EPB41: variants seen among roughly 807,000 people sequenced by gnomAD.
EPB41 encodes protein 4.1.
In EPB41, 65 loss-of-function variants were observed where a neutral mutation model predicts 108.0. The observed-to-expected ratio is 0.60, with a 90% CI of 0.49 to 0.74. The LOEUF (loss-of-function observed/expected upper bound fraction) is 0.74. Ranked by LOEUF, EPB41 falls within the 30% of genes least tolerant of loss-of-function variation. The pLI, the probability that EPB41 is intolerant of heterozygous loss-of-function variation, is 0.00. For synonymous variants in EPB41, 336 were observed against 358.9 expected (o/e 0.94, Z 0.72); for missense variants, 875 against 1,037.0 (o/e 0.84, Z 2.15).
At chr1:29,101,906 A>C (rs1665544897) in intron 17 of EPB41, among the ~76,000 whole-genome samples, 2 of 152,152 alleles carry the variant, frequency 1.3e-5, no homozygotes, top group Admixed American at 1.3e-4. Flanking sequence ...TATCAAAAAA[A>C]CAAAATAAAG....
Position 29,115,812 on chromosome 1 carries a change from C to T in EPB41, c.*6+9C>T, listed in dbSNP as rs1030787594. Reference sequence around the variant, plus strand: ...CTGATGAGTGAGCTCAGGTACTGGGCGTTCCTGCTGGGGCTGAGGGTGCCC... The same window carrying T: ...CTGATGAGTGAGCTCAGGTACTGGGTGTTCCTGCTGGGGCTGAGGGTGCCC... On this transcript the variant is annotated intron_variant, in intron 20 of 20. Coordinates refer to ENST00000343067, the MANE Select transcript of EPB41 (RefSeq NM_001376013.1). This position sits in a 1 kb window ranked among gnomAD's most constrained non-coding sequence, Gnocchi z 4.4. The T allele has an allele frequency of 5.6e-6, 9 of 1,607,388 alleles. No individual in the cohort carries two copies. The highest frequency in any genetic ancestry group is 1.1e-5 in the South Asian group (1 of 90,964).
At chr1:28,975,940 C>CAAAAAA (rs775554564) in intron 1 of EPB41, among the ~76,000 whole-genome samples, 61 of 67,506 alleles carry the variant, frequency 9.0e-4, no homozygotes, top group Middle Eastern at 8.1e-3. Context: ...GACTCCATCT[C>CAAAAAA]AAAAAAAAAA....
chr1:28,970,178 CAT>C (rs71586877), intron 1 of EPB41, among the ~76,000 whole-genome samples: 9 of 152,090 alleles, frequency 5.9e-5, no homozygotes, highest in African/African-American at 9.7e-5. Flanking sequence ...GTATATTTTT[CAT>C]ACTTAACAAT....
chr1:29,052,559 G>A (rs1282078668), intron 11 of EPB41, among the ~76,000 whole-genome samples: 2 of 152,156 alleles, frequency 1.3e-5, no homozygotes, highest in Admixed American at 6.5e-5. Context: ...GTCCTTACAA[G>A]CATCAGAAAG....
chr1:29,028,878 C>T (rs540175926), intron 7 of EPB41, among the ~76,000 whole-genome samples: 8 of 151,898 alleles, frequency 5.3e-5, no homozygotes, highest in South Asian at 4.2e-4. Flanking sequence ...CCCCTCTGTA[C>T]GAAAAATAAG....
At chr1:28,954,303 C>G (rs1266905631) in intron 1 of EPB41, among the ~76,000 whole-genome samples, 1 of 152,176 alleles carries the variant, frequency 6.6e-6, no homozygotes, top group African/African-American at 2.4e-5. Context: ...TGCTAAATAA[C>G]AAAGAGCTAT....
Position 29,115,794 on chromosome 1 carries a change from G to C in EPB41, c.2592G>C (p.Glu864Asp). The C allele has an allele frequency of 1.9e-6, 3 of 1,613,656 alleles. No homozygotes were observed. Among genetic ancestry groups the C allele is most frequent in the Non-Finnish European group, 2.5e-6 (3 of 1,179,670 alleles). The change falls in exon 20 of 21, where the codon GAG becomes GAC. Residue 864 changes from glutamate to aspartate, a missense_variant. This residue lies in a region of EPB41 where 519 missense variants were observed against 627.3 expected (regional missense o/e 0.83). Coordinates refer to ENST00000343067, the MANE Select transcript of EPB41 (RefSeq NM_001376013.1). This position sits in a 1 kb window ranked among gnomAD's most constrained non-coding sequence, Gnocchi z 4.4. ...ACCAGGAGACCGAGATTGCTGATGAGTGAGCTCAGGTACTGGGCGTTCCTG... is the reference window on the plus strand; with the variant it reads ...ACCAGGAGACCGAGATTGCTGATGACTGAGCTCAGGTACTGGGCGTTCCTG... Reference protein sequence around the residue: ...VVHQETEIADE With the variant: ...VVHQETEIADD
chr1:28,962,572 C>T (rs1205989553), intron 1 of EPB41, among the ~76,000 whole-genome samples: 2 of 152,136 alleles, frequency 1.3e-5, no homozygotes. Context: ...GCAGTCATTC[C>T]CCATTCTGGT....
At chr1:29,088,234 ACGGGGTTT>A (rs1659960165) in intron 16 of EPB41, among the ~76,000 whole-genome samples, 1 of 151,580 alleles carries the variant, frequency 6.6e-6, no homozygotes, top group South Asian at 2.1e-4. Flanking sequence ...TTTAGTAGAG[ACGGGGTTT>A]CGCCATGTTG....
chr1:29,070,504 T>A, intron 16 of EPB41: 1 of 1,232,124 alleles, frequency 8.1e-7, no homozygotes. Context: ...ATCACAAGTC[T>A]CTCAAAAAGT....
rs147522175 is a variant in EPB41 at position 29,053,605 on chromosome 1, G to T, written c.1845+293G>T. 3.3e-3 allele frequency: 984 copies of T among 296,658 alleles called. 15 individuals carry two copies. Among genetic ancestry groups the T allele is most frequent in the African/African-American group, 0.021 (929 of 45,064 alleles). 18.4% of individuals were successfully genotyped at this position (296,658 alleles called of 1,614,324 possible). Reference sequence around the variant, plus strand: ...GATGGAGTCTCGCTCTGTCACCCAGGCTGGAGTGCAGTGGTGCGATCTTGG... The same window carrying T: ...GATGGAGTCTCGCTCTGTCACCCAGTCTGGAGTGCAGTGGTGCGATCTTGG... On this transcript the variant is annotated intron_variant, in intron 12 of 20. Transcript: ENST00000343067.
rs74539585 is a variant in EPB41 at position 29,010,572 on chromosome 1, T to C, written c.787-1293T>C. Among the ~76,000 whole-genome samples the C allele has an allele frequency of 8.4e-3, 1,284 of 152,326 alleles. 11 individuals are homozygous for C. Among genetic ancestry groups the C allele is most frequent in the Middle Eastern group, 0.078 (23 of 294 alleles). ...AATTCTAGAAATTTAGAAATTTCTG[T>C]CTTTAAACATTTCTCAAAGGGACCT... On this transcript the variant is annotated intron_variant, in intron 4 of 20. Coordinates refer to ENST00000343067, the MANE Select transcript of EPB41 (RefSeq NM_001376013.1).
intron 1 of EPB41, among the ~76,000 whole-genome samples, chr1:28,932,559 T>A (rs1348664598): frequency 4.6e-5 from 7 of 151,876 alleles, no homozygotes; most frequent in African/African-American, 1.7e-4. Flanking sequence ...TTATTGTTAA[T>A]GTGGAGATGA....
chr1:28,910,017 G>A (rs1372738071), upstream of EPB41, among the ~76,000 whole-genome samples: 1 of 151,854 alleles, frequency 6.6e-6, no homozygotes, highest in Non-Finnish European at 1.5e-5. Context: ...AGCCCAGGAG[G>A]TCGAGGCTGC....
In EPB41 at chr1:29,003,138, A is replaced by C. The variant is rs112186527; in HGVS notation, c.786+5819A>C. Among the ~76,000 whole-genome samples, 733 of 152,332 alleles carry C rather than the reference A, an allele frequency of 4.8e-3. 8 individuals carry two copies. The highest frequency in any genetic ancestry group is 0.017 in the African/African-American group (695 of 41,580). On this transcript the variant is annotated intron_variant, in intron 4 of 20. Coordinates refer to ENST00000343067, the MANE Select transcript of EPB41 (RefSeq NM_001376013.1). Reference sequence around the variant, plus strand: ...CAGTCCATGTATATGTACTGTCAATAAGCCAAATTTCTAGATAAGACCTTC... The same window carrying C: ...CAGTCCATGTATATGTACTGTCAATCAGCCAAATTTCTAGATAAGACCTTC...
At position 28,921,961 on chromosome 1, in the gene EPB41, T is replaced by TATATACAC. The variant is rs770764638; in HGVS notation, c.-8+7194_-8+7195insTATACACA. On this transcript the variant is annotated intron_variant, in intron 1 of 20. Transcript: ENST00000343067. ...TTTTATATATATATATATATATATA[T>TATATACAC]ACACTTTTTTTTTGTTTTTTTTTTT... is the stretch of plus-strand genomic sequence containing the variant. Among the ~76,000 whole-genome samples, 5 of 109,932 alleles carry TATATACAC rather than the reference T, an allele frequency of 4.5e-5. 1 individual carries two copies. Among genetic ancestry groups the TATATACAC allele is most frequent in the Admixed American group, 2.3e-4 (2 of 8,780 alleles). 72.1% of individuals were successfully genotyped at this position (109,932 alleles called of 152,430 possible).
intron 1 of EPB41, among the ~76,000 whole-genome samples, chr1:28,897,133 T>A (rs2090753206): frequency 2.0e-5 from 3 of 152,120 alleles, no homozygotes; most frequent in African/African-American, 7.2e-5. Context: ...CAGGGGTCCC[T>A]TGTGGTGACC....
chr1:29,011,532 T>C (rs894385604), intron 4 of EPB41, among the ~76,000 whole-genome samples: 8 of 152,220 alleles, frequency 5.3e-5, no homozygotes, highest in Admixed American at 2.0e-4. Flanking sequence ...TTTACTAATA[T>C]ATTTACATGT....
At position 29,035,741 on chromosome 1, in the gene EPB41, A is replaced by G. The variant is rs1160394914; in HGVS notation, c.1366-85A>G. On this transcript the variant is annotated intron_variant, in intron 9 of 20. Transcript: ENST00000343067. ...TAACAATGGCCTCTTCTGTGGCACC[A>G]TATTTCTCTGGTACTGTATCACTGT... 1.1e-5 allele frequency: 11 copies of G among 1,026,312 alleles called. No individual in the cohort carries two copies. The East Asian group carries it at 1.2e-4, about 11-fold the overall frequency. 63.6% of individuals were successfully genotyped at this position (1,026,312 alleles called of 1,614,324 possible).
Sources: gnomAD v4.1 joint callset for allele counts (sites outside exome capture counted in the v4.1 genomes callset) on GRCh38, gnomAD v4.1.1 for gene constraint, gnomAD v4.1.1 regional missense constraint, Gnocchi (gnomAD v3.1) non-coding constraint, MANE v1.5 for transcripts, NCBI Gene and HGNC (gene_info 2026-07-23, HGNC 2026-07-21) for gene names.